EHBP1: variants seen among roughly 807,000 people sequenced by gnomAD.
EHBP1 encodes EH domain binding protein 1.
Under a neutral mutation model 144.0 loss-of-function variants are expected in EHBP1, and 55 were observed. That is an observed-to-expected ratio of 0.38 (90% CI 0.31 to 0.48). The LOEUF (loss-of-function observed/expected upper bound fraction) is 0.48, where lower values mean the gene tolerates loss of function less well. Among genes scored for constraint, EHBP1 ranks in the 20% least tolerant of loss-of-function variants. The probability of loss-of-function intolerance (pLI) is 0.98; values close to 1 mark genes in which losing one functional copy is unlikely to be tolerated. For synonymous variants in EHBP1, 469 were observed against 472.7 expected (o/e 0.99, Z 0.10); for missense variants, 1,200 against 1,364.2 (o/e 0.88, Z 1.90).
At chr2:62,739,538 G>T (rs556035349) in intron 2 of EHBP1, among the ~76,000 whole-genome samples, 35 of 152,146 alleles carry the variant, frequency 2.3e-4, no homozygotes, top group African/African-American at 8.2e-4. Flanking sequence ...AATCATTATG[G>T]GTGATACTGT....
chr2:62,684,444 G>T (rs1357739736), intron 1 of EHBP1, among the ~76,000 whole-genome samples: 1 of 152,106 alleles, frequency 6.6e-6, no homozygotes, highest in Non-Finnish European at 1.5e-5. Flanking sequence ...TTGAAAAGTC[G>T]GTTCTTCAAG....
intron 10 of EHBP1, among the ~76,000 whole-genome samples, chr2:62,903,779 GAGAAGGAGGAGA>G (rs905367835): frequency 1.3e-4 from 13 of 96,966 alleles, no homozygotes; most frequent in South Asian, 1.2e-3. Context: ...GAAGGAGAAG[GAGAAGGAGGAGA>G]AGGAGAAGGA....
intron 14 of EHBP1, among the ~76,000 whole-genome samples, chr2:62,973,491 T>C (rs2058582131): frequency 6.6e-6 from 1 of 152,244 alleles, no homozygotes; most frequent in African/African-American, 2.4e-5. Context: ...AGACCTGAGC[T>C]GAACACCTGG....
intron 14 of EHBP1, among the ~76,000 whole-genome samples, chr2:62,970,374 T>C (rs1238546492): frequency 6.6e-6 from 1 of 152,184 alleles, no homozygotes; most frequent in Non-Finnish European, 1.5e-5. Flanking sequence ...CAGGATGTTC[T>C]TGAGGGAGGT....
chr2:62,746,701 C>T (rs952435682), intron 2 of EHBP1, among the ~76,000 whole-genome samples: 2 of 151,846 alleles, frequency 1.3e-5, no homozygotes, highest in African/African-American at 4.8e-5. Flanking sequence ...TACTTTTGCA[C>T]GAACCTAATT....
chr2:63,028,548 A>G (rs1159850759), intron 19 of EHBP1, among the ~76,000 whole-genome samples: 1 of 151,950 alleles, frequency 6.6e-6, no homozygotes, highest in African/African-American at 2.4e-5. Context: ...TACTACAGGC[A>G]TGCTCCACCA....
chr2:62,800,439 C>T (rs934532757), intron 5 of EHBP1, among the ~76,000 whole-genome samples: 6 of 151,912 alleles, frequency 3.9e-5, no homozygotes, highest in Non-Finnish European at 8.8e-5. Flanking sequence ...TTTTTAGTTG[C>T]ATAGGATAAA....
At chr2:62,709,672 T>C (rs2034946737) in intron 2 of EHBP1, among the ~76,000 whole-genome samples, 1 of 152,076 alleles carries the variant, frequency 6.6e-6, no homozygotes, top group Non-Finnish European at 1.5e-5. Context: ...GGTGTCCCTA[T>C]TAAATCAGGT....
At chr2:62,771,127 TG>T (rs760784891) in intron 4 of EHBP1, among the ~76,000 whole-genome samples, 22 of 152,168 alleles carry the variant, frequency 1.4e-4, no homozygotes, top group Non-Finnish European at 2.6e-4. Flanking sequence ...AGTTTACCTA[TG>T]TAACAAACCT....
intron 7 of EHBP1, among the ~76,000 whole-genome samples, chr2:62,854,056 A>G (rs899384708): frequency 2.0e-5 from 3 of 152,212 alleles, no homozygotes; most frequent in Non-Finnish European, 4.4e-5. Context: ...GGAATGGTAA[A>G]TGAGCATCTA....
chr2:62,822,397 T>G (rs1005942462), intron 5 of EHBP1, among the ~76,000 whole-genome samples: 7 of 152,172 alleles, frequency 4.6e-5, no homozygotes, highest in Non-Finnish European at 1.0e-4. Flanking sequence ...AATTGTGCAG[T>G]TATCTATTTT....
intron 6 of EHBP1, among the ~76,000 whole-genome samples, chr2:62,829,628 T>TAA (rs1256832672): frequency 1.4e-5 from 2 of 146,812 alleles, no homozygotes; most frequent in Non-Finnish European, 3.0e-5. Context: ...CTACTATATA[T>TAA]AATACATAAT....
intron 14 of EHBP1, among the ~76,000 whole-genome samples, chr2:62,969,613 A>G (rs553169986): frequency 6.6e-6 from 1 of 152,272 alleles, no homozygotes; most frequent in South Asian, 2.1e-4. Flanking sequence ...TATTTTTCCT[A>G]TGTATCTTAA....
intron 7 of EHBP1, among the ~76,000 whole-genome samples, chr2:62,849,596 G>A (rs2152752112): frequency 6.6e-6 from 1 of 152,230 alleles, no homozygotes; most frequent in South Asian, 2.1e-4. Flanking sequence ...TAGACATAGA[G>A]ATAGATACAT....
intron 10 of EHBP1, among the ~76,000 whole-genome samples, chr2:62,896,681 TAA>T (rs74529720): frequency 7.3e-6 from 1 of 137,436 alleles, no homozygotes; most frequent in Non-Finnish European, 1.6e-5. Context: ...AGCCCATCTT[TAA>T]AAAAAAAAAA....
chr2:62,718,626 G>A (rs1235329864), intron 2 of EHBP1, among the ~76,000 whole-genome samples: 5 of 152,168 alleles, frequency 3.3e-5, no homozygotes, highest in South Asian at 2.1e-4. Flanking sequence ...TAGAAGTTAC[G>A]CAATTGCTGA....
chr2:62,905,186 A>G (rs1176334745), intron 10 of EHBP1, among the ~76,000 whole-genome samples: 1 of 152,170 alleles, frequency 6.6e-6, no homozygotes, highest in Non-Finnish European at 1.5e-5. Flanking sequence ...GTACATTTAT[A>G]TTGGGGGTCA....
chr2:62,896,727 T>C (rs2052971234), intron 10 of EHBP1, among the ~76,000 whole-genome samples: 1 of 151,790 alleles, frequency 6.6e-6, no homozygotes, highest in Non-Finnish European at 1.5e-5. Flanking sequence ...AGGAATCCCT[T>C]CATCTACTTC....
chr2:63,027,819 G>T (rs897330902), intron 19 of EHBP1, among the ~76,000 whole-genome samples: 1 of 152,188 alleles, frequency 6.6e-6, no homozygotes, highest in Non-Finnish European at 1.5e-5. Flanking sequence ...GGGGAGGTAG[G>T]GGTAAGGTCA....
Sources: gnomAD v4.1 joint callset for allele counts (sites outside exome capture counted in the v4.1 genomes callset) on GRCh38, gnomAD v4.1.1 for gene constraint, MANE v1.5 for transcripts, NCBI Gene and HGNC (gene_info 2026-07-23, HGNC 2026-07-21) for gene names.